Variants in ATRNL1 observed in about 807,000 individuals in gnomAD.
The protein encoded by ATRNL1 is attractin like 1.
ATRNL1 carries 95 observed loss-of-function variants against 182.7 expected under a neutral mutation model. The observed-to-expected ratio is 0.52, with a 90% CI of 0.44 to 0.62. ATRNL1 has a LOEUF of 0.62. Among genes scored for constraint, ATRNL1 ranks in the 20% least tolerant of loss-of-function variants. The probability of loss-of-function intolerance (pLI) is 0.00; values close to 1 mark genes in which losing one functional copy is unlikely to be tolerated. For missense variants in ATRNL1, 1,471 were observed against 1,679.5 expected (o/e 0.88, Z 2.17); for synonymous variants, 576 against 568.3 (o/e 1.01, Z -0.19).
chr10:115,381,502 A>T (rs1592564217), intron 19 of ATRNL1, among the ~76,000 whole-genome samples: 1 of 143,656 alleles, frequency 7.0e-6, no homozygotes, highest in Admixed American at 7.2e-5. Context: ...CAAACTCCTG[A>T]CCTCAGGTGA....
At chr10:115,702,718 G>T (rs1235412917) in intron 26 of ATRNL1, among the ~76,000 whole-genome samples, 1 of 151,902 alleles carries the variant, frequency 6.6e-6, no homozygotes, top group Non-Finnish European at 1.5e-5. Context: ...AAATACCTAG[G>T]AATCCATCTA....
At chr10:115,673,331 T>G (rs1292303578) in intron 26 of ATRNL1, among the ~76,000 whole-genome samples, 1 of 152,124 alleles carries the variant, frequency 6.6e-6, no homozygotes, top group Admixed American at 6.6e-5. Context: ...ATGTACCACA[T>G]TTTCTTCTTC....
At chr10:115,125,186 C>T (rs1245654064) in intron 3 of ATRNL1, among the ~76,000 whole-genome samples, 2 of 152,140 alleles carry the variant, frequency 1.3e-5, no homozygotes, top group Non-Finnish European at 1.5e-5. Flanking sequence ...TTACTTAGTG[C>T]TCATTTTGTG....
At chr10:115,356,431 A>G (rs1554942850) in intron 19 of ATRNL1, among the ~76,000 whole-genome samples, 1 of 152,052 alleles carries the variant, frequency 6.6e-6, no homozygotes, top group Non-Finnish European at 1.5e-5. Flanking sequence ...TGAATATTCC[A>G]AAGAGAGGCC....
intron 27 of ATRNL1, among the ~76,000 whole-genome samples, chr10:115,812,093 A>G (rs147583113): frequency 1.3e-5 from 2 of 152,160 alleles, no homozygotes; most frequent in East Asian, 3.9e-4. Context: ...TTGCACATCC[A>G]TCACTCCAGC....
intron 27 of ATRNL1, among the ~76,000 whole-genome samples, chr10:115,795,212 G>A (rs1348326587): frequency 6.6e-6 from 1 of 152,054 alleles, no homozygotes; most frequent in African/African-American, 2.4e-5. Flanking sequence ...GACAGAGCTG[G>A]AAAACATAGC....
At chr10:115,493,876 A>AT (rs1418521406) in intron 24 of ATRNL1, among the ~76,000 whole-genome samples, 171 of 152,010 alleles carry the variant, frequency 1.1e-3, no homozygotes, top group African/African-American at 3.9e-3. Context: ...GATGTTTAGC[A>AT]TTTTTTTCTT....
chr10:115,735,731 G>T (rs1249546307), intron 27 of ATRNL1, among the ~76,000 whole-genome samples: 1 of 152,180 alleles, frequency 6.6e-6, no homozygotes, highest in Non-Finnish European at 1.5e-5. Context: ...ATACAGTGTA[G>T]ATGCAGGCTG....
intron 28 of ATRNL1, among the ~76,000 whole-genome samples, chr10:115,911,948 G>A (rs782259580): frequency 2.6e-5 from 4 of 152,126 alleles, no homozygotes; most frequent in African/African-American, 9.7e-5. Context: ...GGAAGCCCCC[G>A]TATGGTGTGC....
At chr10:115,217,078 T>TATTTA (rs200544222) in intron 9 of ATRNL1, among the ~76,000 whole-genome samples, 4 of 152,088 alleles carry the variant, frequency 2.6e-5, no homozygotes, top group Non-Finnish European at 4.4e-5. Flanking sequence ...TTTAAACATG[T>TATTTA]ATTTAATTTA....
intron 26 of ATRNL1, among the ~76,000 whole-genome samples, chr10:115,602,330 T>A (rs2804220): frequency 6.6e-6 from 1 of 152,156 alleles, no homozygotes. Context: ...CTCCAGCCTG[T>A]GCAAAAGAGC....
rs1950028507 is a variant in ATRNL1 at position 115,810,737 on chromosome 10, AT to A, written c.3904-37136del. Among the ~76,000 whole-genome samples the A allele has an allele frequency of 3.3e-5, 5 of 151,694 alleles. No homozygotes were observed. In the South Asian group the frequency reaches 1.0e-3, roughly 31 times the overall value. On this transcript the variant is annotated intron_variant, in intron 27 of 28. Coordinates refer to ENST00000355044, the MANE Select transcript of ATRNL1 (RefSeq NM_207303.4). ...CTTGAGTGAGTTTTGGTATTTTTAGATTTTCCAGGAATTTATTATTTTATCT... is the reference window on the plus strand; with the variant it reads ...CTTGAGTGAGTTTTGGTATTTTTAGATTTCCAGGAATTTATTATTTTATCT...
At chr10:115,613,468 G>T (rs1237636373) in intron 26 of ATRNL1, among the ~76,000 whole-genome samples, 1 of 152,014 alleles carries the variant, frequency 6.6e-6, no homozygotes, top group Non-Finnish European at 1.5e-5. Flanking sequence ...TTCATCAGGG[G>T]TTTTTGCCTA....
At chr10:115,193,756 GCTCTT>G (rs147138324) in intron 8 of ATRNL1, among the ~76,000 whole-genome samples, 1,759 of 150,844 alleles carry the variant, frequency 0.012, 26 homozygotes, top group African/African-American at 0.038. Context: ...GGTTTGGTTT[GCTCTT>G]CTCTTTGTGT....
chr10:115,882,145 T>A (rs1356715641), intron 28 of ATRNL1, among the ~76,000 whole-genome samples: 3 of 152,222 alleles, frequency 2.0e-5, no homozygotes, highest in African/African-American at 7.2e-5. Context: ...AGGGAAGATG[T>A]TGCAGGATTG....
intron 24 of ATRNL1, 24 bp from the exon 25 acceptor site, chr10:115,519,239 A>T (rs1182308282): frequency 8.8e-6 from 14 of 1,593,500 alleles, no homozygotes; most frequent in Middle Eastern, 1.7e-4. Flanking sequence ...CATACTTTCA[A>T]TTTTTTTTAT....
At chr10:115,527,955 T>G (rs1423848619) in intron 25 of ATRNL1, among the ~76,000 whole-genome samples, 1 of 107,032 alleles carries the variant, frequency 9.3e-6, no homozygotes, top group Non-Finnish European at 2.0e-5. Context: ...CTTCCTTCTT[T>G]CCTTCCCTCC....
chr10:115,854,645 C>T (rs1589608088), intron 28 of ATRNL1, among the ~76,000 whole-genome samples: 1 of 152,182 alleles, frequency 6.6e-6, no homozygotes, highest in Admixed American at 6.5e-5. Flanking sequence ...TCCCCCTTTC[C>T]TCTGTCACTT....
At chr10:115,663,750 T>C (rs1390047843) in intron 26 of ATRNL1, among the ~76,000 whole-genome samples, 1 of 152,110 alleles carries the variant, frequency 6.6e-6, no homozygotes, top group Non-Finnish European at 1.5e-5. Flanking sequence ...TCGCATTGGC[T>C]TGTGTACACA....
Sources: gnomAD v4.1 joint callset for allele counts (sites outside exome capture counted in the v4.1 genomes callset) on GRCh38, gnomAD v4.1.1 for gene constraint, MANE v1.5 for transcripts, NCBI Gene and HGNC (gene_info 2026-07-23, HGNC 2026-07-21) for gene names.